VPS39: variants seen among roughly 807,000 people sequenced by gnomAD.
VPS39 encodes the protein vam6/Vps39-like protein.
In VPS39, 70 loss-of-function variants were observed where a neutral mutation model predicts 121.0. That is an observed-to-expected ratio of 0.58 (90% CI 0.48 to 0.71). The LOEUF (loss-of-function observed/expected upper bound fraction) is 0.71. Ranked by LOEUF, VPS39 falls within the 30% of genes least tolerant of loss-of-function variation. The pLI, the probability that VPS39 is intolerant of heterozygous loss-of-function variation, is 0.00. For missense variants in VPS39, 818 were observed against 1,051.5 expected (o/e 0.78, Z 3.07); for synonymous variants, 378 against 398.1 (o/e 0.95, Z 0.60).
intron 1 of VPS39, among the ~76,000 whole-genome samples, chr15:42,207,333 G>A (rs181723184): frequency 1.3e-5 from 2 of 152,158 alleles, no homozygotes; most frequent in African/African-American, 4.8e-5. Context: ...TATCAAACCA[G>A]TCACTCACGG....
chr15:42,207,991 G>C (rs558242843), intron 1 of VPS39, 90 bp downstream of exon 1: 2 of 1,409,082 alleles, frequency 1.4e-6, no homozygotes, highest in Admixed American at 2.0e-5. Flanking sequence ...AGCCCACACG[G>C]ATGGACGCCT....
Position 42,173,729 on chromosome 15 carries a change from C to T in VPS39, c.1084G>A (p.Gly362Ser). Residue 362 changes from glycine to serine, a missense_variant, in exon 11 of 25, where the codon GGC (glycine) becomes AGC (serine). By Grantham distance (56) the Gly-to-Ser change is moderately conservative. Transcript: ENST00000318006. ...DESMQVFAKL[G>S]TDPTHVMGLY... Reference sequence around the variant, plus strand: ...AGGCCTCACCACTTGTTACCTGTGCCAAGTTTAGCAAAGACCTGCATGGAC... The same window carrying T: ...AGGCCTCACCACTTGTTACCTGTGCTAAGTTTAGCAAAGACCTGCATGGAC... 6.2e-7 allele frequency: 1 copy of T among 1,613,906 alleles called. No homozygotes were observed. Among genetic ancestry groups the T allele is most frequent in the Non-Finnish European group, 8.5e-7 (1 of 1,179,894 alleles).
intron 1 of VPS39, among the ~76,000 whole-genome samples, chr15:42,201,208 C>A (rs976184691): frequency 6.6e-6 from 1 of 152,036 alleles, no homozygotes; most frequent in African/African-American, 2.4e-5. Flanking sequence ...TAGGGTTCTA[C>A]TCTGTTGCCC....
At chr15:42,164,047 C>G (rs1333080605) in intron 19 of VPS39, among the ~76,000 whole-genome samples, 1 of 152,226 alleles carries the variant, frequency 6.6e-6, no homozygotes, top group Non-Finnish European at 1.5e-5. Context: ...GCTCTCAGCT[C>G]TCATAAAGAC....
intron 11 of VPS39, among the ~76,000 whole-genome samples, chr15:42,171,386 C>T (rs2049345002): frequency 6.6e-6 from 1 of 152,148 alleles, no homozygotes; most frequent in Non-Finnish European, 1.5e-5. Context: ...CTCTGCCATT[C>T]CATAGAGGCA....
intron 17 of VPS39, chr15:42,165,484 AT>A: frequency 5.5e-5 from 26 of 475,490 alleles, no homozygotes; most frequent in South Asian, 1.4e-4. Context: ...TGGCTTTGGA[AT>A]TTTTTTTTCT....
intron 22 of VPS39, 81 bp from the exon 23 acceptor site, chr15:42,162,247 T>A (rs2049143760): frequency 6.2e-7 from 1 of 1,605,216 alleles, no homozygotes; most frequent in African/African-American, 1.3e-5. Context: ...GTGGAGCTCT[T>A]GGACCCTAGT....
Position 42,161,774 on chromosome 15 carries a change from C to T in VPS39, c.2461-1G>A. On this transcript the variant is annotated splice_acceptor_variant, in intron 23 of 24. Coordinates refer to ENST00000318006, the MANE Select transcript of VPS39 (RefSeq NM_015289.5). LOFTEE classifies it high-confidence loss of function. The stretch of plus-strand genomic sequence containing the variant: ...GGTGTAAAATCCGCTCTTCCTGGAC[C>T]TGGAAGAACAGGGGGATTGAGGAAG... 2 of 1,614,104 alleles carry T rather than the reference C, an allele frequency of 1.2e-6. No individual in the cohort carries two copies. Among genetic ancestry groups the T allele is most frequent in the African/African-American group, 1.3e-5 (1 of 75,040 alleles).
intron 10 of VPS39, among the ~76,000 whole-genome samples, chr15:42,174,183 G>T (rs1236923909): frequency 1.3e-5 from 2 of 152,018 alleles, no homozygotes; most frequent in Non-Finnish European, 2.9e-5. Flanking sequence ...GGAGGTAGAG[G>T]TTGCAGTGGG....
chr15:42,178,157 A>G (rs1335725732), intron 10 of VPS39, 61 bp downstream of exon 10: 1 of 1,604,998 alleles, frequency 6.2e-7, no homozygotes, highest in African/African-American at 1.3e-5. Context: ...GAACATTGAA[A>G]CCCAAATCAC....
chr15:42,177,109 G>A (rs2049466303), intron 10 of VPS39, among the ~76,000 whole-genome samples: 1 of 141,000 alleles, frequency 7.1e-6, no homozygotes, highest in Non-Finnish European at 1.5e-5. Flanking sequence ...ACTGCAGTGA[G>A]CCAAGACTGC....
intron 2 of VPS39, among the ~76,000 whole-genome samples, chr15:42,193,098 C>T (rs2049864199): frequency 6.6e-6 from 1 of 152,104 alleles, no homozygotes; most frequent in African/African-American, 2.4e-5. Flanking sequence ...TCTTTACAAA[C>T]AGAATTTTCT....
At chr15:42,201,495 T>C (rs1379955735) in intron 1 of VPS39, among the ~76,000 whole-genome samples, 1 of 152,192 alleles carries the variant, frequency 6.6e-6, no homozygotes, top group African/African-American at 2.4e-5. Context: ...TTTTAAAAGA[T>C]GGTCTAGGCT....
intron 1 of VPS39, among the ~76,000 whole-genome samples, chr15:42,205,299 A>G (rs951278305): frequency 6.6e-6 from 1 of 152,214 alleles, no homozygotes; most frequent in Non-Finnish European, 1.5e-5. Flanking sequence ...TGATTAGAAG[A>G]TAAGGCTAAG....
chr15:42,161,108 G>A (rs2049118330), intron 24 of VPS39: 1 of 411,950 alleles, frequency 2.4e-6, no homozygotes, highest in Non-Finnish European at 4.4e-6. Context: ...CAGTGCACCA[G>A]CCCAAAGCTC....
intron 10 of VPS39, among the ~76,000 whole-genome samples, chr15:42,176,383 T>A (rs1053492461): frequency 3.3e-5 from 5 of 152,014 alleles, no homozygotes. Context: ...ACTAAATATG[T>A]TTATATTTTA....
chr15:42,168,992 C>T (rs777654673), intron 12 of VPS39, among the ~76,000 whole-genome samples: 8 of 152,162 alleles, frequency 5.3e-5, no homozygotes, highest in Non-Finnish European at 1.2e-4. Flanking sequence ...TGACAGAAAT[C>T]TAGGGTTAAG....
chr15:42,167,594 A>C lies in VPS39; in HGVS notation c.1234-57T>G, dbSNP rs1380276447. 5.0e-6 allele frequency: 8 copies of C among 1,593,204 alleles called. No homozygotes were observed. The East Asian group carries it at 1.6e-4, about 31-fold the overall frequency. ...GGACTAAGTCTTCCTTTGTCATCTGAGCTACTGGGTAATTCTGAATACCTC... is the reference window on the plus strand; with the variant it reads ...GGACTAAGTCTTCCTTTGTCATCTGCGCTACTGGGTAATTCTGAATACCTC... On this transcript the variant is annotated intron_variant, in intron 12 of 24. Transcript: ENST00000318006.
chr15:42,202,531 G>C (rs2050088348), intron 1 of VPS39, among the ~76,000 whole-genome samples: 1 of 152,128 alleles, frequency 6.6e-6, no homozygotes, highest in Non-Finnish European at 1.5e-5. Context: ...TGATATTTCA[G>C]ATATAAATAA....
Sources: allele counts gnomAD v4.1 joint callset (sites outside exome capture counted in the v4.1 genomes callset), GRCh38; gene constraint gnomAD v4.1.1; transcripts MANE v1.5; gene names NCBI Gene and HGNC (gene_info 2026-07-23, HGNC 2026-07-21).